UGT1A5: variants seen among roughly 807,000 people sequenced by gnomAD.
The protein encoded by UGT1A5 is UDP-glucuronosyltransferase 1A5.
Under a neutral mutation model 40.3 loss-of-function variants are expected in UGT1A5, and 29 were observed. That is an observed-to-expected ratio of 0.72 (90% confidence interval 0.54 to 0.98). The LOEUF (loss-of-function observed/expected upper bound fraction) is 0.98, where lower values mean the gene tolerates loss of function less well. Among genes scored for constraint, UGT1A5 ranks in the 50% least tolerant of loss-of-function variants. The probability of loss-of-function intolerance (pLI) is 0.00; values close to 1 mark genes in which losing one functional copy is unlikely to be tolerated. For synonymous variants in UGT1A5, 257 were observed against 262.5 expected (o/e 0.98, Z 0.20); for missense variants, 678 against 677.9 (o/e 1.00, Z 0.00).
intron 1 of UGT1A5, among the ~76,000 whole-genome samples, chr2:233,766,240 CT>C (rs1055344910): frequency 2.0e-5 from 3 of 151,920 alleles, no homozygotes; most frequent in African/African-American, 7.3e-5. Flanking sequence ...AGGGTTTCCC[CT>C]GGAGTCAGAC....
intron 1 of UGT1A5, among the ~76,000 whole-genome samples, chr2:233,759,051 G>A (rs1697047727): frequency 6.6e-6 from 1 of 152,170 alleles, no homozygotes; most frequent in Non-Finnish European, 1.5e-5. Context: ...GTGAACAAAA[G>A]TTCTCTGAAA....
intron 1 of UGT1A5, chr2:233,739,100 G>A (rs1263190228): frequency 1.3e-5 from 2 of 152,274 alleles, no homozygotes; most frequent in African/African-American, 4.8e-5. Flanking sequence ...TCGATGTGGT[G>A]TTGGGCCTGC....
intron 1 of UGT1A5, among the ~76,000 whole-genome samples, chr2:233,731,855 G>T (rs1025455629): frequency 1.3e-5 from 2 of 152,138 alleles, no homozygotes; most frequent in African/African-American, 4.8e-5. Flanking sequence ...TTGAGGAATC[G>T]CCACACTGTC....
chr2:233,760,558 T>G, intron 1 of UGT1A5: 1 of 1,614,006 alleles, frequency 6.2e-7, no homozygotes, highest in Non-Finnish European at 8.5e-7. Context: ...TGTGAAAGAG[T>G]CTTTTGTTAG....
intron 1 of UGT1A5, among the ~76,000 whole-genome samples, chr2:233,716,819 C>T (rs1378965211): frequency 6.6e-6 from 1 of 152,146 alleles, no homozygotes. Context: ...GCTGGGGTGA[C>T]CTCACTGACA....
intron 1 of UGT1A5, among the ~76,000 whole-genome samples, chr2:233,742,528 A>G (rs896768700): frequency 1.3e-5 from 2 of 151,872 alleles, no homozygotes; most frequent in Admixed American, 6.5e-5. Flanking sequence ...AGTGCTGCAG[A>G]GATTTTGTTT....
At chr2:233,716,161 G>A (rs1487983369) in intron 1 of UGT1A5, among the ~76,000 whole-genome samples, 1 of 152,116 alleles carries the variant, frequency 6.6e-6, no homozygotes, top group Non-Finnish European at 1.5e-5. Context: ...CCATGGAGAT[G>A]CAGTGCAGCA....
intron 1 of UGT1A5, among the ~76,000 whole-genome samples, chr2:233,766,590 C>T (rs1008625240): frequency 6.6e-6 from 1 of 152,194 alleles, no homozygotes; most frequent in Admixed American, 6.5e-5. Context: ...GTGGAGCCCT[C>T]GCCAGGGACC....
intron 1 of UGT1A5, chr2:233,729,771 C>A: frequency 6.2e-7 from 1 of 1,613,970 alleles, no homozygotes; most frequent in Non-Finnish European, 8.5e-7. Flanking sequence ...AGAACATGCT[C>A]TACCCTCTGG....
intron 1 of UGT1A5, among the ~76,000 whole-genome samples, chr2:233,744,679 T>C (rs1489705981): frequency 6.6e-6 from 1 of 151,892 alleles, no homozygotes; most frequent in Admixed American, 6.5e-5. Flanking sequence ...ACATCACCCA[T>C]GTAGCTTCTG....
chr2:233,729,076 T>C (rs907733585), intron 1 of UGT1A5: 3 of 1,612,000 alleles, frequency 1.9e-6, no homozygotes, highest in Non-Finnish European at 2.5e-6. Context: ...AAAGCAAATG[T>C]AGCAGGCACA....
intron 1 of UGT1A5, chr2:233,729,619 C>A: frequency 6.2e-7 from 1 of 1,613,978 alleles, no homozygotes; most frequent in Non-Finnish European, 8.5e-7. Context: ...GGCTAAGTAC[C>A]TGTCGATTCC....
chr2:233,713,502 T>C lies in UGT1A5; in HGVS notation c.511T>C (p.Phe171Leu). The C allele has an allele frequency of 6.2e-7, 1 of 1,613,988 alleles. No homozygotes were observed. The highest frequency in any genetic ancestry group is 8.5e-7 in the Non-Finnish European group (1 of 1,179,898). The change falls in exon 1 of 5, where the codon TTT becomes CTT. Residue 171 changes from phenylalanine (F) to leucine (L), a missense_variant. By Grantham distance (22) the Phe-to-Leu change is conservative. Coordinates refer to ENST00000373414, the MANE Select transcript of UGT1A5 (RefSeq NM_019078.2). ...TAAGTACCTGTCGATTCCTGCTGTG[T>C]TTTTCTTGAGGAACATTCCATGTGA... ...LAKYLSIPAVFFLRNIPCDLD... is the reference protein window; with the variant it reads ...LAKYLSIPAVLFLRNIPCDLD...
At chr2:233,728,328 T>C (rs2077699714) in intron 1 of UGT1A5, among the ~76,000 whole-genome samples, 1 of 152,118 alleles carries the variant, frequency 6.6e-6, no homozygotes, top group Admixed American at 6.5e-5. Flanking sequence ...AGGCTCCAGC[T>C]CCCCCAGTCC....
At chr2:233,758,324 A>G (rs1465079880) in intron 1 of UGT1A5, among the ~76,000 whole-genome samples, 5 of 152,226 alleles carry the variant, frequency 3.3e-5, no homozygotes, top group Admixed American at 3.3e-4. Context: ...AAGCAGCCTC[A>G]AAAAGCTTGG....
intron 4 of UGT1A5, among the ~76,000 whole-genome samples, chr2:233,768,707 C>T (rs1156909231): frequency 6.0e-5 from 9 of 150,670 alleles, no homozygotes; most frequent in Non-Finnish European, 1.3e-4. Flanking sequence ...CCTCAGCCTC[C>T]GTGTAGCTGG....
rs1474978405 is a variant in UGT1A5, at chr2:233,736,640, C to A, written c.867+22782C>A. 3.3e-5 allele frequency among the ~76,000 whole-genome samples: 5 copies of A among 152,206 alleles called. No individual in the cohort carries two copies. In the South Asian group the frequency reaches 1.0e-3, roughly 32 times the overall value. ...TCAGCTTTTCTGCTCTAGTTTCCCC[C>A]CATCTTTGTGGTTTTATGTACCTTA... On this transcript the variant is annotated intron_variant, in intron 1 of 4. Coordinates refer to ENST00000373414, the MANE Select transcript of UGT1A5 (RefSeq NM_019078.2).
chr2:233,718,699 T>C (rs1301211854), intron 1 of UGT1A5: 6 of 1,598,044 alleles, frequency 3.8e-6, no homozygotes, highest in South Asian at 1.1e-5. Context: ...GGAGGGCACT[T>C]TGTCTTCCAA....
chr2:233,747,677 C>A, intron 1 of UGT1A5: 1 of 1,606,760 alleles, frequency 6.2e-7, no homozygotes, highest in East Asian at 2.2e-5. Flanking sequence ...ACCCAATTTA[C>A]CTCTGTGGGG....
Sources: gnomAD v4.1 joint callset for allele counts (sites outside exome capture counted in the v4.1 genomes callset) on GRCh38, gnomAD v4.1.1 for gene constraint, MANE v1.5 for transcripts, NCBI Gene and HGNC (gene_info 2026-07-23, HGNC 2026-07-21) for gene names.